The following TTC33 variants were observed in gnomAD, a reference collection of about 807,000 sequenced individuals.
TTC33 encodes tetratricopeptide repeat domain 33.
TTC33 carries 24 observed loss-of-function variants against 29.4 expected under a neutral mutation model. That is an observed-to-expected ratio of 0.82 (90% CI 0.59 to 1.15). The LOEUF (loss-of-function observed/expected upper bound fraction) is 1.15. TTC33 is among the 50% of genes most tolerant of loss of function. The pLI is 0.00. For synonymous variants in TTC33, 107 were observed against 100.3 expected (o/e 1.07, Z -0.40); for missense variants, 286 against 310.4 (o/e 0.92, Z 0.59).
At chr5:40,728,540 A>C in intron 3 of TTC33, 64 bp from the exon 4 acceptor site, 1 of 1,439,580 alleles carries the variant, frequency 6.9e-7, no homozygotes, top group Non-Finnish European at 9.3e-7. Flanking sequence ...CTACATAAAA[A>C]ACCCTTTTCA....
rs1401617380 is a variant in TTC33, at chr5:40,713,487, T to C, written c.*2658A>G. Among the ~76,000 whole-genome samples the C allele has an allele frequency of 6.6e-6, 1 of 152,196 alleles. No individual in the cohort carries two copies. Reference sequence around the variant, plus strand: ...GAAACCACTGCCATAAAATTTTGTATGTAGGCCCCAGTTGCAGTAGATCTG... The same window carrying C: ...GAAACCACTGCCATAAAATTTTGTACGTAGGCCCCAGTTGCAGTAGATCTG... On this transcript the variant is annotated 3_prime_UTR_variant, in exon 5 of 5. Coordinates refer to ENST00000337702, the MANE Select transcript of TTC33 (RefSeq NM_012382.3).
chr5:40,736,112 G>A (rs1742544554), intron 2 of TTC33, among the ~76,000 whole-genome samples: 1 of 152,154 alleles, frequency 6.6e-6, no homozygotes, highest in Admixed American at 6.5e-5. Flanking sequence ...AAGGGGATGG[G>A]GTCTAGAGTA....
intron 3 of TTC33, among the ~76,000 whole-genome samples, chr5:40,729,053 A>AT (rs1232272515): frequency 6.6e-6 from 1 of 152,150 alleles, no homozygotes; most frequent in Non-Finnish European, 1.5e-5. Flanking sequence ...AAGAGGCTGG[A>AT]TTTTATCTAT....
Position 40,752,593 on chromosome 5 carries a change from A to C in TTC33, c.-2+3231T>G, listed in dbSNP as rs537742187. Among the ~76,000 whole-genome samples the C allele has an allele frequency of 7.2e-5, 11 of 152,354 alleles. No individual in the cohort carries two copies. The East Asian group carries it at 2.1e-3, about 29-fold the overall frequency. On this transcript the variant is annotated intron_variant, in intron 1 of 4. Transcript: ENST00000337702. ...GATGGGAATAGCCAGTTGGTGGTAC[A>C]GCATTCAAAACACACATTTATTGAT...
intron 2 of TTC33, 100 bp downstream of exon 2, chr5:40,746,697 TA>T: frequency 1.1e-6 from 1 of 913,032 alleles, no homozygotes; most frequent in Non-Finnish European, 1.6e-6. Flanking sequence ...AATAGATTTT[TA>T]AACATGAATT....
chr5:40,714,824 A>G lies in TTC33; in HGVS notation c.*1321T>C, dbSNP rs1047604598. The G allele has an allele frequency of 6.6e-6, 1 of 152,270 alleles. No homozygotes were observed. The highest frequency in any genetic ancestry group is 1.9e-4 in the East Asian group (1 of 5,336). The allele number at this position is 152,270 out of a possible 1,614,324, so 9.4% of individuals were successfully genotyped here. A position where few individuals can be genotyped will look rare whatever the true frequency, so the allele number is the denominator to read the frequency against. ...ATTACTTATAAGCTCCAACAGTAGT[A>G]AGATCTTTAACATAAAGTGGGCTAC... On this transcript the variant is annotated 3_prime_UTR_variant, in exon 5 of 5. Transcript: ENST00000337702.
chr5:40,733,312 C>A (rs996750826), intron 2 of TTC33, among the ~76,000 whole-genome samples: 6 of 152,052 alleles, frequency 3.9e-5, no homozygotes, highest in Admixed American at 3.3e-4. Flanking sequence ...AGTAAAGGTC[C>A]ATATAGTAAA....
intron 1 of TTC33, among the ~76,000 whole-genome samples, chr5:40,752,454 A>G (rs528331167): frequency 6.6e-6 from 1 of 152,352 alleles, no homozygotes; most frequent in South Asian, 2.1e-4. Context: ...TTAAAATGAG[A>G]GATGTGTAAC....
At chr5:40,752,583 T>C (rs1042124861) in intron 1 of TTC33, among the ~76,000 whole-genome samples, 1 of 152,222 alleles carries the variant, frequency 6.6e-6, no homozygotes, top group East Asian at 1.9e-4. Context: ...GAATAGCCAG[T>C]TGGTGGTACA....
chr5:40,743,254 C>T (rs558409741), intron 2 of TTC33, among the ~76,000 whole-genome samples: 1 of 152,202 alleles, frequency 6.6e-6, no homozygotes, highest in Non-Finnish European at 1.5e-5. Context: ...GACAGGAAGA[C>T]AGGCAGCAGA....
chr5:40,737,841 T>C (rs1190940592), intron 2 of TTC33, among the ~76,000 whole-genome samples: 1 of 152,242 alleles, frequency 6.6e-6, no homozygotes, highest in East Asian at 1.9e-4. Flanking sequence ...TCAGACGGTA[T>C]GTACTCTTCC....
chr5:40,723,490 TTAAA>T (rs1181454109), intron 4 of TTC33, among the ~76,000 whole-genome samples: 4 of 144,824 alleles, frequency 2.8e-5, no homozygotes. Flanking sequence ...GGTTTAACAA[TTAAA>T]TAAAAGCTAA....
At chr5:40,744,015 G>A (rs1038355936) in intron 2 of TTC33, among the ~76,000 whole-genome samples, 4 of 152,172 alleles carry the variant, frequency 2.6e-5, no homozygotes, top group African/African-American at 4.8e-5. Context: ...GAGGGAATCC[G>A]ATGGCAATAA....
chr5:40,724,209 T>G (rs774730827), intron 4 of TTC33, among the ~76,000 whole-genome samples: 19 of 152,164 alleles, frequency 1.2e-4, no homozygotes, highest in South Asian at 2.1e-4. Context: ...AGAAGCAAAT[T>G]CTACAATACA....
At position 40,746,843 on chromosome 5, in the gene TTC33, C is replaced by T. The variant is rs1480234879; in HGVS notation, c.176G>A (p.Ser59Asn). 3 of 1,614,026 alleles carry T rather than the reference C, an allele frequency of 1.9e-6. No homozygotes were observed. The highest frequency in any genetic ancestry group is 2.2e-5 in the East Asian group (1 of 44,870). ...EILLEGCAEKSKQLKDEGASL... is the reference protein window; with the variant it reads ...EILLEGCAEKNKQLKDEGASL... ...GGCTCCTTCATCCTTCAGCTGTTTA[C>T]TTTTCTCAGCACAGCCTTCAAGAAG... Residue 59 changes from serine to asparagine, a missense_variant, in exon 2 of 5, where the codon AGT (serine) becomes AAT (asparagine). Transcript: ENST00000337702.
In TTC33 at chr5:40,714,625, T is replaced by C. The variant is rs1199897427; in HGVS notation, c.*1520A>G. 1 of 152,146 alleles carries C rather than the reference T, an allele frequency of 6.6e-6. No individual in the cohort carries two copies. Among genetic ancestry groups the C allele is most frequent in the Non-Finnish European group, 1.5e-5 (1 of 67,960 alleles). The allele number at this position is 152,146 out of a possible 1,614,324, so 9.4% of individuals were successfully genotyped here. A position where few individuals can be genotyped will look rare whatever the true frequency, so the allele number is the denominator to read the frequency against. On this transcript the variant is annotated 3_prime_UTR_variant, in exon 5 of 5. Transcript: ENST00000337702. ...TAAACAAAATAAAATAATTAACATA[T>C]TTTTTGGAGCACTCTGAAACTAACC... is the stretch of plus-strand genomic sequence containing the variant.
At chr5:40,734,056 A>T (rs1259862617) in intron 2 of TTC33, among the ~76,000 whole-genome samples, 1 of 152,228 alleles carries the variant, frequency 6.6e-6, no homozygotes, top group Non-Finnish European at 1.5e-5. Flanking sequence ...GTTGCCAACG[A>T]GGCCTATAAA....
chr5:40,732,922 C>G (rs749395691), intron 2 of TTC33, among the ~76,000 whole-genome samples: 2 of 152,032 alleles, frequency 1.3e-5, no homozygotes, highest in Non-Finnish European at 2.9e-5. Flanking sequence ...ATAACAGATT[C>G]TATCTACCTC....
chr5:40,714,818 A>C lies in TTC33; in HGVS notation c.*1327T>G, dbSNP rs1741966821. On this transcript the variant is annotated 3_prime_UTR_variant, in exon 5 of 5. Coordinates refer to ENST00000337702, the MANE Select transcript of TTC33 (RefSeq NM_012382.3). ...TAGATCATTACTTATAAGCTCCAAC[A>C]GTAGTAAGATCTTTAACATAAAGTG... 6.6e-6 allele frequency: 1 copy of C among 152,270 alleles called. No homozygotes were observed. Among genetic ancestry groups the C allele is most frequent in the Non-Finnish European group, 1.5e-5 (1 of 67,978 alleles). The allele number at this position is 152,270 out of a possible 1,614,324, so 9.4% of individuals were successfully genotyped here. A position where few individuals can be genotyped will look rare whatever the true frequency, so the allele number is the denominator to read the frequency against.
Sources: allele counts gnomAD v4.1 joint callset (sites outside exome capture counted in the v4.1 genomes callset), GRCh38; gene constraint gnomAD v4.1.1; transcripts MANE v1.5; gene names NCBI Gene and HGNC (gene_info 2026-07-23, HGNC 2026-07-21).